CASZ1: variants seen among roughly 807,000 people sequenced by gnomAD.
CASZ1 encodes castor zinc finger 1.
Under a neutral mutation model 135.2 loss-of-function variants are expected in CASZ1, and 28 were observed. The ratio of observed to expected loss-of-function variants is 0.21; its 90% CI spans 0.15 to 0.28. CASZ1 has a LOEUF of 0.28. Ranked by LOEUF, CASZ1 falls within the 10% of genes least tolerant of loss-of-function variation. The pLI is 1.00. For synonymous variants in CASZ1, 1,068 were observed against 1,073.4 expected (o/e 0.99, Z 0.10); for missense variants, 2,161 against 2,453.3 (o/e 0.88, Z 2.52).
At chr1:10,743,664 T>TGGGG (rs146404795) in intron 2 of CASZ1, among the ~76,000 whole-genome samples, 8 of 23,478 alleles carry the variant, frequency 3.4e-4, no homozygotes, top group African/African-American at 1.0e-3. Flanking sequence ...GTCTCCAAAA[T>TGGGG]GGGGGGGCGG....
At chr1:10,742,824 A>C (rs1259277490) in intron 2 of CASZ1, among the ~76,000 whole-genome samples, 7 of 152,074 alleles carry the variant, frequency 4.6e-5, no homozygotes, top group African/African-American at 1.7e-4. Context: ...TCTCTACTAA[A>C]AATACAAAAA....
At chr1:10,689,520 C>G (rs576054193) in intron 4 of CASZ1, among the ~76,000 whole-genome samples, 3 of 152,106 alleles carry the variant, frequency 2.0e-5, no homozygotes, top group African/African-American at 7.2e-5. Flanking sequence ...CCTCGCTGGT[C>G]CCTACCAGGG....
At chr1:10,684,140 G>A (rs1570471379) in intron 4 of CASZ1, among the ~76,000 whole-genome samples, 1 of 151,832 alleles carries the variant, frequency 6.6e-6, no homozygotes, top group South Asian at 2.1e-4. Context: ...GTTAGGTGTG[G>A]CTCTCTCGGA....
intron 3 of CASZ1, 34 bp from the exon 4 acceptor site, chr1:10,693,946 A>G (rs770741206): frequency 6.2e-7 from 1 of 1,604,276 alleles, no homozygotes; most frequent in Non-Finnish European, 8.5e-7. Context: ...AGACCGGGAG[A>G]GAAGAAACAC....
At chr1:10,682,274 G>A (rs771956252) in intron 4 of CASZ1, among the ~76,000 whole-genome samples, 1 of 151,652 alleles carries the variant, frequency 6.6e-6, no homozygotes, top group Non-Finnish European at 1.5e-5. Context: ...AAGGCTGGAG[G>A]GAAGTGGGGG....
intron 3 of CASZ1, chr1:10,704,535 C>T (rs1242225919): frequency 1.3e-5 from 2 of 152,218 alleles, no homozygotes; most frequent in Non-Finnish European, 2.9e-5. Context: ...CGGTGGGAGC[C>T]GGGGAATCTC....
Position 10,676,613 on chromosome 1 carries a change from G to A in CASZ1, c.17-11042C>T, listed in dbSNP as rs1265264552. Among the ~76,000 whole-genome samples the A allele has an allele frequency of 6.6e-6, 1 of 152,100 alleles. No homozygotes were observed. The highest frequency in any genetic ancestry group is 1.5e-5 in the Non-Finnish European group (1 of 67,996). ...GGACCAACCTGCCTAGGGGTGCCCT[G>A]GGATCCTATTTCCACAGCAGGCCTC... is the stretch of plus-strand genomic sequence containing the variant. On this transcript the variant is annotated intron_variant, in intron 4 of 20. Transcript: ENST00000377022. The surrounding 1 kb of genome is among the most constrained non-coding windows in gnomAD (Gnocchi z 4.5).
Position 10,676,222 on chromosome 1 carries a change from AG to A in CASZ1, c.17-10652del, listed in dbSNP as rs1368559277. 6.6e-6 allele frequency among the ~76,000 whole-genome samples: 1 copy of A among 152,136 alleles called. No homozygotes were observed. The highest frequency in any genetic ancestry group is 2.4e-5 in the African/African-American group (1 of 41,438). On this transcript the variant is annotated intron_variant, in intron 4 of 20. Transcript: ENST00000377022. This position sits in a 1 kb window ranked among gnomAD's most constrained non-coding sequence, Gnocchi z 4.5. ...CATGCCAACCAAGTGACAGACACCA[AG>A]GCCCTGCTGGACTGGCCCGGACCCC... is the stretch of plus-strand genomic sequence containing the variant.
intron 2 of CASZ1, among the ~76,000 whole-genome samples, chr1:10,743,211 A>G (rs1639961526): frequency 6.6e-6 from 1 of 151,990 alleles, no homozygotes; most frequent in Non-Finnish European, 1.5e-5. Flanking sequence ...CATAAACCGG[A>G]GAATCCCAGG....
chr1:10,681,341 A>G (rs1340467701), intron 4 of CASZ1, among the ~76,000 whole-genome samples: 1 of 152,118 alleles, frequency 6.6e-6, no homozygotes, highest in Non-Finnish European at 1.5e-5. Flanking sequence ...TCAGAGATCA[A>G]AGGGCACAGC....
At position 10,756,861 on chromosome 1, in the gene CASZ1, C is replaced by T. The variant is rs914518455; in HGVS notation, c.-77+3840G>A. ...ACCAACGACGCTCTATATGACCCGG[C>T]ACGTGGAAAAAGGTGTGCAGAAGCT... On this transcript the variant is annotated intron_variant, in intron 2 of 20. Coordinates refer to ENST00000377022, the MANE Select transcript of CASZ1 (RefSeq NM_001079843.3). The surrounding 1 kb of genome is among the most constrained non-coding windows in gnomAD (Gnocchi z 5.9). Among the ~76,000 whole-genome samples, 7 of 152,186 alleles carry T rather than the reference C, an allele frequency of 4.6e-5. No individual in the cohort carries two copies. Among genetic ancestry groups the T allele is most frequent in the African/African-American group, 1.7e-4 (7 of 41,438 alleles).
chr1:10,655,084 T>C (rs1367805868), intron 9 of CASZ1, among the ~76,000 whole-genome samples: 1 of 151,516 alleles, frequency 6.6e-6, no homozygotes, highest in East Asian at 2.0e-4. Flanking sequence ...TAAAAACCCG[T>C]GGAATCCGAA....
Position 10,697,492 on chromosome 1 carries a change from A to T in CASZ1, c.-23-3580T>A, listed in dbSNP as rs1266381147. Among the ~76,000 whole-genome samples the T allele has an allele frequency of 6.6e-6, 1 of 152,074 alleles. No individual in the cohort carries two copies. The highest frequency in any genetic ancestry group is 2.4e-5 in the African/African-American group (1 of 41,412). On this transcript the variant is annotated intron_variant, in intron 3 of 20. Transcript: ENST00000377022. The surrounding 1 kb of genome is among the most constrained non-coding windows in gnomAD (Gnocchi z 4.7). ...CCACTCACAAGAGAAAAAGAAGTGG[A>T]AGGCAACCCAGCGGTTCCCCCCAAC...
chr1:10,708,967 G>T (rs1324953632), intron 2 of CASZ1, among the ~76,000 whole-genome samples: 1 of 108,838 alleles, frequency 9.2e-6, no homozygotes, highest in East Asian at 4.4e-4. Context: ...GATGGAGGAC[G>T]GGGAGGGGGG....
At chr1:10,648,223 A>G (rs1642437806) in intron 15 of CASZ1, 84 bp from the exon 16 acceptor site, 2 of 1,002,554 alleles carry the variant, frequency 2.0e-6, no homozygotes, top group African/African-American at 1.6e-5. Context: ...TCACAGGCCT[A>G]GACCCCGGTG....
chr1:10,667,799 T>C lies in CASZ1; in HGVS notation c.17-2228A>G, dbSNP rs549689708. Reference sequence around the variant, plus strand: ...CGCACTTGCTGCTGGTGACGCCCCCTCCCCGGGCCCCCACCCATCCTGGAG... The same window carrying C: ...CGCACTTGCTGCTGGTGACGCCCCCCCCCCGGGCCCCCACCCATCCTGGAG... On this transcript the variant is annotated intron_variant, in intron 4 of 20. Transcript: ENST00000377022. Among the ~76,000 whole-genome samples, 701 of 148,146 alleles carry C rather than the reference T, an allele frequency of 4.7e-3. 7 individuals carry two copies. Among genetic ancestry groups the C allele is most frequent in the African/African-American group, 0.016 (652 of 40,320 alleles).
rs751451300 is a variant in CASZ1 at position 10,676,492 on chromosome 1, C to G, written c.17-10921G>C. Among the ~76,000 whole-genome samples the G allele has an allele frequency of 4.6e-5, 7 of 152,142 alleles. No homozygotes were observed. Among genetic ancestry groups the G allele is most frequent in the Non-Finnish European group, 1.0e-4 (7 of 68,030 alleles). ...GGACAAAGAAGACACCAAGAGCCCC[C>G]GGGGAGGCCTCTCCACCATCCTCTG... On this transcript the variant is annotated intron_variant, in intron 4 of 20. Transcript: ENST00000377022. This position sits in a 1 kb window ranked among gnomAD's most constrained non-coding sequence, Gnocchi z 4.5.
At chr1:10,658,647 G>A in intron 6 of CASZ1, 71 bp from the exon 7 acceptor site, 1 of 1,376,120 alleles carries the variant, frequency 7.3e-7, no homozygotes, top group Admixed American at 1.7e-5. Flanking sequence ...GCATCTGGTG[G>A]GCAGCCCCTG....
intron 4 of CASZ1, among the ~76,000 whole-genome samples, chr1:10,673,079 G>A (rs912837047): frequency 6.6e-6 from 1 of 152,176 alleles, no homozygotes. Flanking sequence ...AGCTCCGAGG[G>A]GGGCGGGAGC....
Sources: allele counts gnomAD v4.1 joint callset (sites outside exome capture counted in the v4.1 genomes callset), GRCh38; gene constraint gnomAD v4.1.1; non-coding constraint Gnocchi (gnomAD v3.1); transcripts MANE v1.5; gene names NCBI Gene and HGNC (gene_info 2026-07-23, HGNC 2026-07-21).